Variants in CAMKMT observed in about 807,000 individuals in gnomAD.
CAMKMT encodes calmodulin-lysine N-methyltransferase, also known as CaM KMT.
Under a neutral mutation model 48.0 loss-of-function variants are expected in CAMKMT, and 53 were observed. The observed-to-expected ratio is 1.10, with a 90% CI of 0.89 to 1.39. CAMKMT has a LOEUF of 1.39. Ranked by LOEUF, CAMKMT falls within the 40% of genes most tolerant of loss-of-function variation. The pLI is 0.00. For missense variants in CAMKMT, 428 were observed against 402.7 expected (o/e 1.06, Z -0.54); for synonymous variants, 165 against 152.3 (o/e 1.08, Z -0.61).
At chr2:44,501,152 C>G (rs1447006742) in intron 3 of CAMKMT, among the ~76,000 whole-genome samples, 1 of 150,726 alleles carries the variant, frequency 6.6e-6, no homozygotes, top group Non-Finnish European at 1.5e-5. Context: ...ATTTTATATA[C>G]ATACCTATGA....
At chr2:44,558,034 TATTCATTCATTCATTC>T (rs60843994) in intron 3 of CAMKMT, among the ~76,000 whole-genome samples, 2 of 143,874 alleles carry the variant, frequency 1.4e-5, no homozygotes, top group African/African-American at 2.9e-5. Context: ...TTTATTTATT[TATTCATTCATTCATTC>T]ATTCATTCAT....
chr2:44,393,999 G>A (rs1207447314), intron 3 of CAMKMT, among the ~76,000 whole-genome samples: 2 of 151,986 alleles, frequency 1.3e-5, no homozygotes, highest in Non-Finnish European at 2.9e-5. Context: ...TTAACTATTT[G>A]TTGTTTATAA....
intron 3 of CAMKMT, among the ~76,000 whole-genome samples, chr2:44,492,889 C>CTTTT (rs11400501): frequency 7.7e-5 from 11 of 142,858 alleles, no homozygotes; most frequent in Non-Finnish European, 9.1e-5. Context: ...CATATTGTAT[C>CTTTT]TTTTTTTTTT....
intron 3 of CAMKMT, among the ~76,000 whole-genome samples, chr2:44,486,817 T>G (rs575007407): frequency 6.6e-6 from 1 of 152,316 alleles, no homozygotes; most frequent in East Asian, 1.9e-4. Flanking sequence ...CTGAGTGAAG[T>G]TGTCTGTGTT....
chr2:44,439,517 A>G (rs1162498769), intron 3 of CAMKMT, among the ~76,000 whole-genome samples: 1 of 151,914 alleles, frequency 6.6e-6, no homozygotes, highest in African/African-American at 2.4e-5. Flanking sequence ...TTCCCCTCAC[A>G]TTCTTTCTGC....
intron 3 of CAMKMT, among the ~76,000 whole-genome samples, chr2:44,544,617 A>T (rs931079167): frequency 5.3e-5 from 8 of 152,220 alleles, no homozygotes; most frequent in African/African-American, 1.9e-4. Flanking sequence ...TGCAACCATT[A>T]TCCAGTGCTA....
At chr2:44,737,859 CTTT>C (rs751961309) in intron 7 of CAMKMT, among the ~76,000 whole-genome samples, 1 of 136,624 alleles carries the variant, frequency 7.3e-6, no homozygotes, top group Admixed American at 7.4e-5. Context: ...TCTTTTTTTT[CTTT>C]TTTTTTTTTT....
intron 3 of CAMKMT, among the ~76,000 whole-genome samples, chr2:44,612,148 G>C (rs1465760890): frequency 6.6e-6 from 1 of 151,822 alleles, no homozygotes; most frequent in Admixed American, 6.6e-5. Context: ...TTATGCACTG[G>C]AATTGTGTTT....
chr2:44,527,785 G>C (rs865994221), intron 3 of CAMKMT, among the ~76,000 whole-genome samples: 7 of 84,812 alleles, frequency 8.3e-5, no homozygotes, highest in Non-Finnish European at 9.2e-5. Context: ...CATGTGTACA[G>C]CCCCCCCCCC....
chr2:44,528,205 C>T lies in CAMKMT; in HGVS notation c.376+137900C>T, dbSNP rs145850383. On this transcript the variant is annotated intron_variant, in intron 3 of 10. Coordinates refer to ENST00000378494, the MANE Select transcript of CAMKMT (RefSeq NM_024766.5). ...ATTTTTTTTCTTTTTTTGTAGTTTC[C>T]CCTTTCTTACCACAAAGGGTCATTT... Among the ~76,000 whole-genome samples, 82 of 151,580 alleles carry T rather than the reference C, an allele frequency of 5.4e-4. No individual in the cohort carries two copies. In the East Asian group the frequency reaches 8.1e-3, roughly 15 times the overall value.
intron 3 of CAMKMT, chr2:44,549,431 T>A: frequency 1.6e-6 from 1 of 626,486 alleles, no homozygotes; most frequent in African/African-American, 1.9e-5. Context: ...AGAACCTCTC[T>A]CACACAGCAG....
chr2:44,619,255 A>T (rs1310068645), intron 3 of CAMKMT, among the ~76,000 whole-genome samples: 1 of 152,226 alleles, frequency 6.6e-6, no homozygotes, highest in Non-Finnish European at 1.5e-5. Flanking sequence ...AAGATTACTG[A>T]ATAGTCTTAA....
At chr2:44,658,069 CCAGAAAATCATGTCAATTGA>C (rs1430932653) in intron 3 of CAMKMT, among the ~76,000 whole-genome samples, 1 of 152,078 alleles carries the variant, frequency 6.6e-6, no homozygotes, top group African/African-American at 2.4e-5. Flanking sequence ...CTTTTCTATT[CCAGAAAATCATGTCAATTGA>C]CAGCAAAGCC....
intron 4 of CAMKMT, 107 bp downstream of exon 4, chr2:44,704,450 A>G (rs1046063498): frequency 3.3e-5 from 25 of 752,440 alleles, no homozygotes; most frequent in Non-Finnish European, 4.9e-5. Flanking sequence ...AGAAAAAAAT[A>G]TAAGAAAAGA....
intron 3 of CAMKMT, among the ~76,000 whole-genome samples, chr2:44,633,811 G>A (rs1178212871): frequency 2.0e-5 from 3 of 151,944 alleles, no homozygotes; most frequent in Non-Finnish European, 4.4e-5. Context: ...GTAAGTTTTT[G>A]AGGATGCAGG....
chr2:44,494,436 C>T (rs1669659817), intron 3 of CAMKMT, among the ~76,000 whole-genome samples: 2 of 151,964 alleles, frequency 1.3e-5, no homozygotes, highest in South Asian at 4.1e-4. Context: ...TGTTTACGTA[C>T]AAAAATGAGA....
chr2:44,540,793 A>G (rs1667065720), intron 3 of CAMKMT, among the ~76,000 whole-genome samples: 1 of 152,214 alleles, frequency 6.6e-6, no homozygotes, highest in South Asian at 2.1e-4. Context: ...ACTCATTGTT[A>G]CTGAGATGTA....
intron 3 of CAMKMT, among the ~76,000 whole-genome samples, chr2:44,409,078 C>A (rs1682982269): frequency 7.5e-6 from 1 of 132,804 alleles, no homozygotes. Flanking sequence ...GTTATTTCAG[C>A]CGATATATAT....
chr2:44,449,471 C>T (rs764489726), intron 3 of CAMKMT, among the ~76,000 whole-genome samples: 9 of 152,098 alleles, frequency 5.9e-5, no homozygotes, highest in Non-Finnish European at 1.0e-4. Context: ...GCTGTCCTTT[C>T]GGTTTTTTAT....
Sources: allele counts gnomAD v4.1 joint callset (sites outside exome capture counted in the v4.1 genomes callset), GRCh38; gene constraint gnomAD v4.1.1; transcripts MANE v1.5; gene names NCBI Gene and HGNC (gene_info 2026-07-23, HGNC 2026-07-21).